The following TMEFF2 variants were observed in gnomAD, a reference collection of about 807,000 sequenced individuals.
The protein encoded by TMEFF2 is tomoregulin-2.
A neutral mutation model predicts 53.8 loss-of-function variants in TMEFF2; 28 were observed. That is an observed-to-expected ratio of 0.52 (90% confidence interval 0.39 to 0.71). The LOEUF is 0.71. Among genes scored for constraint, TMEFF2 ranks in the 30% least tolerant of loss-of-function variants. The pLI is 0.00. For synonymous variants in TMEFF2, 162 were observed against 166.3 expected (o/e 0.97, Z 0.20); for missense variants, 353 against 455.2 (o/e 0.78, Z 2.04).
At chr2:192,191,056 T>G (rs1443891811) in intron 2 of TMEFF2, among the ~76,000 whole-genome samples, 1 of 152,172 alleles carries the variant, frequency 6.6e-6, no homozygotes, top group Non-Finnish European at 1.5e-5. Context: ...CCATGCTACT[T>G]GAAGTTCTGC....
chr2:192,028,813 A>G (rs1687042073), intron 5 of TMEFF2: 1 of 152,148 alleles, frequency 6.6e-6, no homozygotes, highest in Non-Finnish European at 1.5e-5. Context: ...AGATGCTCTT[A>G]TATTTGCATC....
chr2:192,028,756 G>A (rs562428947), intron 5 of TMEFF2: 1 of 152,200 alleles, frequency 6.6e-6, no homozygotes, highest in East Asian at 1.9e-4. Context: ...GAATGTATAA[G>A]CTATGAGATA....
chr2:191,978,153 A>C (rs1052276200), intron 7 of TMEFF2, among the ~76,000 whole-genome samples: 9 of 152,104 alleles, frequency 5.9e-5, no homozygotes, highest in African/African-American at 1.2e-4. Context: ...GGGTTCCTTT[A>C]ATATCTGCCA....
At chr2:192,181,481 A>G (rs1368732210) in intron 3 of TMEFF2, among the ~76,000 whole-genome samples, 3 of 151,632 alleles carry the variant, frequency 2.0e-5, no homozygotes, top group Admixed American at 1.3e-4. Flanking sequence ...GGAGTTACAA[A>G]CTCCAAACCT....
intron 7 of TMEFF2, among the ~76,000 whole-genome samples, chr2:191,990,782 G>T (rs1686086067): frequency 6.6e-6 from 1 of 151,874 alleles, no homozygotes; most frequent in Non-Finnish European, 1.5e-5. Context: ...GTGTGTGTGT[G>T]TGTGTGTGAA....
At chr2:192,075,838 G>A (rs1169907582) in intron 4 of TMEFF2, among the ~76,000 whole-genome samples, 2 of 151,922 alleles carry the variant, frequency 1.3e-5, no homozygotes, top group African/African-American at 2.4e-5. Flanking sequence ...CAACTATTGC[G>A]GGAGATACTA....
At chr2:191,956,091 A>AATGCTT (rs58668276) in intron 8 of TMEFF2, among the ~76,000 whole-genome samples, 164 bp downstream of exon 8, 2 of 150,014 alleles carry the variant, frequency 1.3e-5, no homozygotes, top group African/African-American at 2.5e-5. Context: ...TTAGTGTGTG[A>AATGCTT]GTATGTGTGT....
chr2:191,971,084 A>G (rs1450095262), intron 7 of TMEFF2, among the ~76,000 whole-genome samples: 1 of 152,104 alleles, frequency 6.6e-6, no homozygotes, highest in Admixed American at 6.5e-5. Context: ...CTTAATTTCT[A>G]GTCAGTGATA....
chr2:192,075,308 T>TATATATATATATATATAAATATAA (rs1688395872), intron 4 of TMEFF2, among the ~76,000 whole-genome samples: 7 of 67,946 alleles, frequency 1.0e-4, no homozygotes, highest in Admixed American at 1.7e-4. Flanking sequence ...TATATATATA[T>TATATATATATATATATAAATATAA]ATATATATAT....
Position 192,194,232 on chromosome 2 carries a change from A to T in TMEFF2, c.172+121T>A. On this transcript the variant is annotated intron_variant, in intron 1 of 9. Coordinates refer to ENST00000272771, the MANE Select transcript of TMEFF2 (RefSeq NM_016192.4). The surrounding 1 kb of genome is among the most constrained non-coding windows in gnomAD (Gnocchi z 4.2). Reference sequence around the variant, plus strand: ...TCTCTGGATAGAGGTGGGTGGTATTAGGGGTCTAGGGCAGTAGGAGGTGAG... The same window carrying T: ...TCTCTGGATAGAGGTGGGTGGTATTTGGGGTCTAGGGCAGTAGGAGGTGAG... 8.6e-7 allele frequency: 1 copy of T among 1,161,754 alleles called. No homozygotes were observed. Among genetic ancestry groups the T allele is most frequent in the Non-Finnish European group, 1.2e-6 (1 of 804,000 alleles). 72.0% of individuals were successfully genotyped at this position (1,161,754 alleles called of 1,614,324 possible).
intron 4 of TMEFF2, among the ~76,000 whole-genome samples, chr2:192,120,457 A>C (rs1689523064): frequency 6.6e-6 from 1 of 152,164 alleles, no homozygotes; most frequent in Non-Finnish European, 1.5e-5. Flanking sequence ...ACTGCTCATA[A>C]ATATATACAG....
rs182587229 is a variant in TMEFF2, at chr2:192,004,569, T to C, written c.537-5361A>G. ...GCTGAGGCAGAAAGATCACTTGAGGTCAGGAATTTGAGAGCAACCTGGGCA... is the reference window on the plus strand; with the variant it reads ...GCTGAGGCAGAAAGATCACTTGAGGCCAGGAATTTGAGAGCAACCTGGGCA... On this transcript the variant is annotated intron_variant, in intron 5 of 9. Coordinates refer to ENST00000272771, the MANE Select transcript of TMEFF2 (RefSeq NM_016192.4). 3.3e-5 allele frequency among the ~76,000 whole-genome samples: 5 copies of C among 152,226 alleles called. No individual in the cohort carries two copies. The East Asian group carries it at 7.7e-4, about 24-fold the overall frequency.
At chr2:191,967,066 T>C (rs954524209) in intron 7 of TMEFF2, among the ~76,000 whole-genome samples, 6 of 152,012 alleles carry the variant, frequency 3.9e-5, no homozygotes, top group African/African-American at 1.2e-4. Context: ...AAAAGTTCCA[T>C]AAAATTGGTA....
intron 4 of TMEFF2, among the ~76,000 whole-genome samples, chr2:192,150,433 T>C (rs1311778366): frequency 6.6e-6 from 1 of 151,836 alleles, no homozygotes; most frequent in Admixed American, 6.6e-5. Context: ...CACTGTCCAG[T>C]TGAATGCTTT....
intron 4 of TMEFF2, among the ~76,000 whole-genome samples, chr2:192,159,279 G>C (rs542991018): frequency 2.0e-5 from 3 of 152,220 alleles, no homozygotes; most frequent in Non-Finnish European, 2.9e-5. Context: ...TTGAGGGGGG[G>C]ATCAAGGCCG....
chr2:192,167,887 T>G (rs1373115861), intron 4 of TMEFF2, among the ~76,000 whole-genome samples: 4 of 152,170 alleles, frequency 2.6e-5, no homozygotes, highest in Non-Finnish European at 5.9e-5. Flanking sequence ...TGTTGATGCA[T>G]GCATCAACTA....
In TMEFF2 at chr2:191,957,080, C is replaced by T. The variant is rs141135916; in HGVS notation, c.746-702G>A. Among the ~76,000 whole-genome samples, 132 of 152,292 alleles carry T rather than the reference C, an allele frequency of 8.7e-4. 1 individual carries two copies. Among genetic ancestry groups the T allele is most frequent in the African/African-American group, 3.1e-3 (127 of 41,576 alleles). On this transcript the variant is annotated intron_variant, in intron 7 of 9. Transcript: ENST00000272771. ...CAATGCTATGTGAAACCTAAACTTA[C>T]GATAACGAATAAACGTGGATTCTAA...
At chr2:192,114,821 T>C (rs1311666818) in intron 4 of TMEFF2, among the ~76,000 whole-genome samples, 1 of 151,954 alleles carries the variant, frequency 6.6e-6, no homozygotes, top group Non-Finnish European at 1.5e-5. Context: ...AAAATGTCAA[T>C]ACTACCAACT....
At chr2:192,058,931 TCTTA>T (rs778878074) in intron 4 of TMEFF2, among the ~76,000 whole-genome samples, 1 of 152,210 alleles carries the variant, frequency 6.6e-6, no homozygotes, top group Non-Finnish European at 1.5e-5. Context: ...TCAAATCCAA[TCTTA>T]CTTATTTAGT....
Sources: gnomAD v4.1 joint callset for allele counts (sites outside exome capture counted in the v4.1 genomes callset) on GRCh38, gnomAD v4.1.1 for gene constraint, Gnocchi (gnomAD v3.1) non-coding constraint, MANE v1.5 for transcripts, NCBI Gene and HGNC (gene_info 2026-07-23, HGNC 2026-07-21) for gene names.